The following AHDC1 variants were observed in gnomAD, a reference collection of about 807,000 sequenced individuals.
The protein encoded by AHDC1 is transcription factor Gibbin.
Under a neutral mutation model 87.9 loss-of-function variants are expected in AHDC1, and 7 were observed. That is an observed-to-expected ratio of 0.08 (90% CI 0.05 to 0.15). The LOEUF (loss-of-function observed/expected upper bound fraction) is 0.15, where lower values mean the gene tolerates loss of function less well. Among genes scored for constraint, AHDC1 ranks in the 10% least tolerant of loss-of-function variants. The pLI, the probability that AHDC1 is intolerant of heterozygous loss-of-function variation, is 1.00. For missense variants in AHDC1, 1,841 were observed against 2,253.2 expected, an observed-to-expected ratio of 0.82 and a Z score of 3.70; for synonymous variants, 1,051 against 1,006.8, an observed-to-expected ratio of 1.04 and a Z score of -0.83.
chr1:27,600,194 G>T (rs1290241878), intron 3 of AHDC1, among the ~76,000 whole-genome samples: 1 of 151,608 alleles, frequency 6.6e-6, no homozygotes, highest in Non-Finnish European at 1.5e-5. Flanking sequence ...CCCCTCCCTG[G>T]GGGGGGCCCA....
chr1:27,604,121 TCCG>T lies in AHDC1; in HGVS notation c.-881_-879del, dbSNP rs923759296. The T allele has an allele frequency of 3.6e-4, 57 of 156,206 alleles. No homozygotes were observed. Among genetic ancestry groups the T allele is most frequent in the Middle Eastern group, 3.1e-3 (1 of 322 alleles). The allele number at this position is 156,206 out of a possible 1,614,324, so 9.7% of individuals were successfully genotyped here. A position where few individuals can be genotyped will look rare whatever the true frequency, so the allele number is the denominator to read the frequency against. ...CCCTGCCTGCCTGCCTCTCTCCGTC[TCCG>T]CCGCCGCCGCCGCTGCCTCTGCGAG... On this transcript the variant is annotated 5_prime_UTR_variant, in exon 1 of 9. Coordinates refer to ENST00000673934, the MANE Select transcript of AHDC1 (RefSeq NM_001371928.1).
chr1:27,582,030 G>A (rs1351812511), intron 3 of AHDC1, among the ~76,000 whole-genome samples: 1 of 152,176 alleles, frequency 6.6e-6, no homozygotes, highest in Non-Finnish European at 1.5e-5. Context: ...GCCAACCTCT[G>A]AACTCACCCT....
intron 3 of AHDC1, among the ~76,000 whole-genome samples, chr1:27,592,129 C>T (rs755034143): frequency 2.6e-5 from 4 of 152,204 alleles, no homozygotes; most frequent in Non-Finnish European, 5.9e-5. Flanking sequence ...CCTGCCCCTC[C>T]ACAAGTAATA....
rs373099753 is a variant in AHDC1 at position 27,551,813 on chromosome 1, G to C, written c.303C>G (p.Val101=). ...PVSQARCPTP[V]GDGSSSRRCW... ...AGCGTCGGGAGCTGCTGCCGTCTCC[G>C]ACCGGTGTGGGGCAGCGGGCCTGTG... The change falls in exon 8 of 9, where the codon GTC becomes GTG. Residue 101 remains valine (V), a synonymous_variant. Transcript: ENST00000673934. 6.2e-7 allele frequency: 1 copy of C among 1,612,126 alleles called. No homozygotes were observed. The highest frequency in any genetic ancestry group is 1.3e-5 in the African/African-American group (1 of 74,822).
At chr1:27,541,936 TTTTAA>T (rs1440479142) in intron 8 of AHDC1, among the ~76,000 whole-genome samples, 1 of 151,574 alleles carries the variant, frequency 6.6e-6, no homozygotes, top group East Asian at 1.9e-4. Flanking sequence ...GGCAAGGAGG[TTTTAA>T]ACAAACACCT....
chr1:27,564,993 C>T (rs2020256678), intron 3 of AHDC1, among the ~76,000 whole-genome samples: 1 of 152,188 alleles, frequency 6.6e-6, no homozygotes, highest in Non-Finnish European at 1.5e-5. Context: ...CCACGGACAG[C>T]CTCAGAGCAG....
At chr1:27,579,643 T>G (rs1426895396) in intron 3 of AHDC1, among the ~76,000 whole-genome samples, 1 of 152,158 alleles carries the variant, frequency 6.6e-6, no homozygotes, top group East Asian at 1.9e-4. Context: ...GGAATAAGGT[T>G]CTAGATCAGA....
At chr1:27,587,482 T>C (rs771084201) in intron 3 of AHDC1, among the ~76,000 whole-genome samples, 13 of 152,132 alleles carry the variant, frequency 8.5e-5, no homozygotes, top group Non-Finnish European at 1.6e-4. Flanking sequence ...CTTCCCCAAC[T>C]TCTCCCTGCC....
At chr1:27,577,471 C>G (rs2088787973) in intron 3 of AHDC1, among the ~76,000 whole-genome samples, 1 of 152,056 alleles carries the variant, frequency 6.6e-6, no homozygotes, top group Non-Finnish European at 1.5e-5. Context: ...ACTAATCCAT[C>G]AAATTCTAGA....
chr1:27,552,076 C>A lies in AHDC1; in HGVS notation c.40G>T (p.Ala14Ser). Reference protein sequence around the residue: ...KPQGLVVTSSAVCSSPDYLRE... With the variant: ...KPQGLVVTSSSVCSSPDYLRE... ...AGGTAGTCAGGAGAGCTGCACACGGCACTGGAAGTCACCACCAGGCCCTGG... is the reference window on the plus strand; with the variant it reads ...AGGTAGTCAGGAGAGCTGCACACGGAACTGGAAGTCACCACCAGGCCCTGG... The change falls in exon 8 of 9, where the codon GCC becomes TCC. Residue 14 changes from alanine (A) to serine (S), a missense_variant. Physicochemically the swap from Ala to Ser is moderately conservative, Grantham distance 99. Around this residue, in one of 13 missense-constraint regions of AHDC1, gnomAD observed 142 missense variants for 165.6 expected, o/e 0.86. Coordinates refer to ENST00000673934, the MANE Select transcript of AHDC1 (RefSeq NM_001371928.1). 6.7e-7 allele frequency: 1 copy of A among 1,488,122 alleles called. No individual in the cohort carries two copies. Among genetic ancestry groups the A allele is most frequent in the Non-Finnish European group, 8.9e-7 (1 of 1,119,826 alleles). The allele number at this position is 1,488,122 out of a possible 1,614,324, so 92.2% of individuals were successfully genotyped here.
chr1:27,557,653 C>T (rs1484247659), intron 5 of AHDC1, among the ~76,000 whole-genome samples: 1 of 152,192 alleles, frequency 6.6e-6, no homozygotes, highest in African/African-American at 2.4e-5. Flanking sequence ...TCCCCGTGTG[C>T]ATACACCGTA....
At chr1:27,578,356 A>G (rs2088815638) in intron 3 of AHDC1, among the ~76,000 whole-genome samples, 1 of 152,128 alleles carries the variant, frequency 6.6e-6, no homozygotes, top group South Asian at 2.1e-4. Flanking sequence ...TGGGAGGCCG[A>G]GGTGGGTGGA....
chr1:27,583,459 G>A (rs2088964785), intron 3 of AHDC1, among the ~76,000 whole-genome samples: 1 of 152,294 alleles, frequency 6.6e-6, no homozygotes, highest in Non-Finnish European at 1.5e-5. Flanking sequence ...CTCATGTCTT[G>A]TTGTTTATTG....
intron 3 of AHDC1, among the ~76,000 whole-genome samples, chr1:27,594,776 G>A (rs866815458): frequency 3.9e-5 from 6 of 152,148 alleles, no homozygotes; most frequent in African/African-American, 1.2e-4. Context: ...AGGGTGTGCT[G>A]GAATGTGCCA....
rs758382362 is a variant in AHDC1 at position 27,547,959 on chromosome 1, G to T, written c.4157C>A (p.Pro1386Gln). 1 of 1,597,624 alleles carries T rather than the reference G, an allele frequency of 6.3e-7. No homozygotes were observed. The highest frequency in any genetic ancestry group is 8.6e-7 in the Non-Finnish European group (1 of 1,169,262). The part of the protein sequence containing the change: ...DGKHFPPLAH[P>Q]PTVFDAGLQK... The stretch of plus-strand genomic sequence containing the variant: ...CAGGCCGGCGTCAAACACCGTGGGT[G>T]GGTGGGCCAGCGGTGGGAAATGCTT... The change falls in exon 8 of 9, where the codon CCA (proline) becomes CAA (glutamine). Residue 1386 changes from proline (P) to glutamine (Q), a missense_variant. Physicochemically the swap from Pro to Gln is moderately conservative, Grantham distance 76 (BLOSUM62 -1). Coordinates refer to ENST00000673934, the MANE Select transcript of AHDC1 (RefSeq NM_001371928.1). The surrounding 1 kb of genome is among the most constrained non-coding windows in gnomAD (Gnocchi z 4.9).
intron 5 of AHDC1, among the ~76,000 whole-genome samples, chr1:27,554,730 C>T (rs535534250): frequency 6.6e-6 from 1 of 152,324 alleles, no homozygotes; most frequent in Admixed American, 6.5e-5. Flanking sequence ...GTGCCACAGA[C>T]CCATGTAGAT....
rs1377347632 is a variant in AHDC1, at chr1:27,547,241, G to A, written c.*43+20C>T. 16 of 1,468,052 alleles carry A rather than the reference G, an allele frequency of 1.1e-5. No individual in the cohort carries two copies. The highest frequency in any genetic ancestry group is 9.6e-5 in the South Asian group (7 of 73,284). 90.9% of individuals were successfully genotyped at this position (1,468,052 alleles called of 1,614,324 possible). On this transcript the variant is annotated intron_variant, in intron 8 of 8. Transcript: ENST00000673934. This position sits in a 1 kb window ranked among gnomAD's most constrained non-coding sequence, Gnocchi z 4.9. ...CCACCCCCAGGCCTCTGCCCACTGC[G>A]CCCACATCCCCAGACTCACCCAGGA... is the stretch of plus-strand genomic sequence containing the variant.
intron 3 of AHDC1, among the ~76,000 whole-genome samples, chr1:27,597,458 G>A (rs1026403523): frequency 2.6e-5 from 4 of 152,218 alleles, no homozygotes; most frequent in East Asian, 3.9e-4. Flanking sequence ...GGCATCCCCC[G>A]GGTGAATGTG....
At chr1:27,553,555 T>C (rs952013994) in intron 5 of AHDC1, 2 of 152,190 alleles carry the variant, frequency 1.3e-5, no homozygotes, top group Non-Finnish European at 2.9e-5. Flanking sequence ...GGGGACATTT[T>C]CTGTTGCCAA....
Sources: allele counts gnomAD v4.1 joint callset (sites outside exome capture counted in the v4.1 genomes callset), GRCh38; gene constraint gnomAD v4.1.1; regional missense constraint gnomAD v4.1.1; non-coding constraint Gnocchi (gnomAD v3.1); transcripts MANE v1.5; gene names NCBI Gene and HGNC (gene_info 2026-07-23, HGNC 2026-07-21).